Variants in NR2C2 observed in about 807,000 individuals in gnomAD.
The protein encoded by NR2C2 is Nuclear hormone receptor TR4.
Under a neutral mutation model 62.9 loss-of-function variants are expected in NR2C2, and 6 were observed. The observed-to-expected ratio is 0.10, with a 90% confidence interval of 0.05 to 0.19. The LOEUF (loss-of-function observed/expected upper bound fraction) is 0.19, where lower values mean the gene tolerates loss of function less well. Ranked by LOEUF, NR2C2 falls within the 10% of genes least tolerant of loss-of-function variation. The pLI, the probability that NR2C2 is intolerant of heterozygous loss-of-function variation, is 1.00. For missense variants in NR2C2, 479 were observed against 762.7 expected, an observed-to-expected ratio of 0.63 and a Z score of 4.38; for synonymous variants, 272 against 273.8, an observed-to-expected ratio of 0.99 and a Z score of 0.07.
At chr3:14,992,829 C>T (rs1029914797) in intron 1 of NR2C2, among the ~76,000 whole-genome samples, 1 of 152,220 alleles carries the variant, frequency 6.6e-6, no homozygotes, top group Non-Finnish European at 1.5e-5. Flanking sequence ...ATATTTCACA[C>T]CCAGCTTGCC....
intron 3 of NR2C2, among the ~76,000 whole-genome samples, chr3:15,015,895 G>C (rs980065967): frequency 1.3e-5 from 2 of 152,048 alleles, no homozygotes; most frequent in African/African-American, 2.4e-5. Flanking sequence ...TCTGCCTCCC[G>C]GGTTGAAGCA....
chr3:14,985,828 TG>T (rs1414600466), intron 1 of NR2C2, among the ~76,000 whole-genome samples: 1 of 152,226 alleles, frequency 6.6e-6, no homozygotes, highest in Non-Finnish European at 1.5e-5. Flanking sequence ...AGTACAGTGA[TG>T]GACATCTTTA....
At position 15,030,839 on chromosome 3, in the gene NR2C2, A is replaced by G. The variant is rs60761068; in HGVS notation, c.1110+387A>G. On this transcript the variant is annotated intron_variant, in intron 9 of 13. Coordinates refer to ENST00000425241, the MANE Select transcript of NR2C2 (RefSeq NM_001291694.2). ...GAAACTCCACCTCAAAAATAAATAA[A>G]TAAATAAAAATTAAACCTTGGAGTG... is the stretch of plus-strand genomic sequence containing the variant. Among the ~76,000 whole-genome samples, 1,305 of 152,284 alleles carry G rather than the reference A, an allele frequency of 8.6e-3. 21 individuals carry two copies. The highest frequency in any genetic ancestry group is 0.029 in the African/African-American group (1,196 of 41,554).
At chr3:14,995,658 G>A (rs994658324) in intron 1 of NR2C2, among the ~76,000 whole-genome samples, 2 of 114,932 alleles carry the variant, frequency 1.7e-5, no homozygotes, top group African/African-American at 4.6e-5. Context: ...CTGTGGACAC[G>A]TTTTCATTAC....
At chr3:15,042,353 C>T (rs1435917881) in intron 13 of NR2C2, 1 of 152,474 alleles carries the variant, frequency 6.6e-6, no homozygotes, top group Non-Finnish European at 1.5e-5. Context: ...CAGAGCCCAA[C>T]TGTTAGCGTG....
intron 1 of NR2C2, among the ~76,000 whole-genome samples, chr3:14,996,535 G>A (rs954082954): frequency 6.6e-6 from 1 of 152,118 alleles, no homozygotes; most frequent in African/African-American, 2.4e-5. Flanking sequence ...TGAATTTGAG[G>A]AAATTTTGAA....
At chr3:14,992,432 C>G (rs1184672926) in intron 1 of NR2C2, among the ~76,000 whole-genome samples, 1 of 151,992 alleles carries the variant, frequency 6.6e-6, no homozygotes, top group African/African-American at 2.4e-5. Flanking sequence ...AGGCAGAGTC[C>G]CAGGATCAAA....
At chr3:15,019,889 C>T (rs1183573637) in intron 4 of NR2C2, among the ~76,000 whole-genome samples, 1 of 151,982 alleles carries the variant, frequency 6.6e-6, no homozygotes, top group African/African-American at 2.4e-5. Flanking sequence ...TTATAAAATA[C>T]CTAGAAGAAA....
chr3:14,968,511 A>G (rs954819023), intron 1 of NR2C2, among the ~76,000 whole-genome samples: 9 of 151,432 alleles, frequency 5.9e-5, no homozygotes, highest in African/African-American at 2.2e-4. Flanking sequence ...ATGTGGAGAA[A>G]TAGGAACCCT....
intron 1 of NR2C2, among the ~76,000 whole-genome samples, chr3:14,955,194 TCTCA>T (rs1489147741): frequency 1.3e-5 from 2 of 152,208 alleles, no homozygotes; most frequent in African/African-American, 2.4e-5. Flanking sequence ...GTAAAATTGT[TCTCA>T]CTATTTTAAT....
rs1344207441 is a variant in NR2C2, at chr3:15,048,163, T to G, written c.*5155T>G. 6.5e-6 allele frequency: 1 copy of G among 152,710 alleles called. No individual in the cohort carries two copies. The highest frequency in any genetic ancestry group is 1.5e-5 in the Non-Finnish European group (1 of 68,058). 9.5% of individuals were successfully genotyped at this position (152,710 alleles called of 1,614,324 possible). The stretch of plus-strand genomic sequence containing the variant: ...CACTTTATGAGACCATAGTACTCAG[T>G]GCCTTTTGTGAGACAGTGGGTCATT... On this transcript the variant is annotated 3_prime_UTR_variant, in exon 14 of 14. Transcript: ENST00000425241.
At chr3:14,981,749 C>T (rs1047604615) in intron 1 of NR2C2, among the ~76,000 whole-genome samples, 4 of 152,086 alleles carry the variant, frequency 2.6e-5, no homozygotes. Context: ...AGCCTTCAGT[C>T]GGTGGCCAAA....
At chr3:15,014,659 C>T (rs547979992) in intron 3 of NR2C2, among the ~76,000 whole-genome samples, 39 of 152,214 alleles carry the variant, frequency 2.6e-4, no homozygotes, top group African/African-American at 9.4e-4. Flanking sequence ...CTCTCCCCCT[C>T]CCCCAGCCCC....
rs375057341 is a variant in NR2C2 at position 15,039,248 on chromosome 3, C to T, written c.1616+21C>T. 2.4e-5 allele frequency: 37 copies of T among 1,514,106 alleles called. 1 individual carries two copies. Among genetic ancestry groups the T allele is most frequent in the East Asian group, 1.4e-4 (6 of 44,436 alleles). The allele number at this position is 1,514,106 out of a possible 1,614,324, so 93.8% of individuals were successfully genotyped here. On this transcript the variant is annotated intron_variant, in intron 13 of 13. Transcript: ENST00000425241. ...TACCGGTGAGGCATTCAGGCATATG[C>T]GCTCTTGCTTGGGGCTGCAAGGAGT...
chr3:14,976,579 C>T (rs1376385715), intron 1 of NR2C2, among the ~76,000 whole-genome samples: 6 of 106,634 alleles, frequency 5.6e-5, no homozygotes, highest in African/African-American at 2.3e-4. Context: ...TCTTTGTTTT[C>T]TTGAGTCTGT....
chr3:15,039,152 T>C lies in NR2C2; in HGVS notation c.1541T>C (p.Ile514Thr). The change falls in exon 13 of 14, where the codon ATT becomes ACT. Residue 514 changes from isoleucine to threonine, a missense_variant. Transcript: ENST00000425241. The part of the protein sequence containing the change: ...DHPGLTSTSQ[I>T]EKFQEKAQME... ...CCAGGTTTGACCAGCACAAGCCAGA[T>C]TGAAAAATTCCAAGAAAAGGCACAG... The C allele has an allele frequency of 1.2e-6, 2 of 1,614,100 alleles. No homozygotes were observed. The highest frequency in any genetic ancestry group is 1.7e-6 in the Non-Finnish European group (2 of 1,179,984).
Position 15,013,633 on chromosome 3 carries a change from C to A in NR2C2, c.117C>A (p.Thr39=). ...QQTGQKIQIV[T]AVDASGSPKQ... ...CAGGACAGAAAATCCAGATAGTCACCGCAGTGGACGCCTCCGGATCCCCCA... is the reference window on the plus strand; with the variant it reads ...CAGGACAGAAAATCCAGATAGTCACAGCAGTGGACGCCTCCGGATCCCCCA... Residue 39 remains threonine (T), a synonymous_variant, in exon 3 of 14, where the codon ACC becomes ACA. Coordinates refer to ENST00000425241, the MANE Select transcript of NR2C2 (RefSeq NM_001291694.2). 2 of 1,614,134 alleles carry A rather than the reference C, an allele frequency of 1.2e-6. No homozygotes were observed. The highest frequency in any genetic ancestry group is 1.3e-5 in the African/African-American group (1 of 75,042).
rs539225434 is a variant in NR2C2, at chr3:14,958,674, T to TTTG, written c.-40+10780_-40+10782dup. Among the ~76,000 whole-genome samples, 40 of 152,328 alleles carry TTTG rather than the reference T, an allele frequency of 2.6e-4. 1 individual carries two copies. The highest frequency in any genetic ancestry group is 2.2e-3 in the Admixed American group (34 of 15,302). On this transcript the variant is annotated intron_variant, in intron 1 of 13. Transcript: ENST00000425241. ...TGTAGTATCAAAACAATAGGATTTT[T>TTTG]TTGTTGTTGTTGTTCCAGATTGGTT...
chr3:15,005,519 C>T (rs1195895098), intron 2 of NR2C2, among the ~76,000 whole-genome samples: 2 of 114,106 alleles, frequency 1.8e-5, no homozygotes, highest in African/African-American at 3.5e-5. Flanking sequence ...GCGTGGCCAA[C>T]TTTTTTTTTT....
Sources: gnomAD v4.1 joint callset for allele counts (sites outside exome capture counted in the v4.1 genomes callset) on GRCh38, gnomAD v4.1.1 for gene constraint, MANE v1.5 for transcripts, NCBI Gene and HGNC (gene_info 2026-07-23, HGNC 2026-07-21) for gene names.